KCNIP4: variants seen among roughly 807,000 people sequenced by gnomAD.
The protein encoded by KCNIP4 is potassium voltage-gated channel interacting protein 4, also known as Kv channel-interacting protein 4.
KCNIP4 carries 12 observed loss-of-function variants against 34.0 expected under a neutral mutation model. That is an observed-to-expected ratio of 0.35 (90% CI 0.23 to 0.57). The LOEUF (loss-of-function observed/expected upper bound fraction) is 0.57, where lower values mean the gene tolerates loss of function less well. KCNIP4 is among the 20% of genes least tolerant of loss of function. The pLI is 0.83. For synonymous variants in KCNIP4, 124 were observed against 102.2 expected (o/e 1.21, Z -1.29); for missense variants, 238 against 311.7 (o/e 0.76, Z 1.78).
intron 1 of KCNIP4, among the ~76,000 whole-genome samples, chr4:21,253,207 G>A (rs1760841100): frequency 6.6e-6 from 1 of 152,132 alleles, no homozygotes; most frequent in Non-Finnish European, 1.5e-5. Flanking sequence ...GAATGCATAT[G>A]CAGCCTTGAC....
At chr4:21,647,863 C>CTTTTTT (rs10539950) in intron 1 of KCNIP4, among the ~76,000 whole-genome samples, 1 of 60,198 alleles carries the variant, frequency 1.7e-5, no homozygotes, top group African/African-American at 9.8e-5. Flanking sequence ...TACAATGATG[C>CTTTTTT]TTTTTTTTTT....
intron 1 of KCNIP4, among the ~76,000 whole-genome samples, chr4:21,398,457 G>C (rs769089541): frequency 1.3e-5 from 2 of 152,144 alleles, no homozygotes; most frequent in Non-Finnish European, 2.9e-5. Context: ...ACAAGAGTTT[G>C]ATTATTCCTC....
intron 1 of KCNIP4, among the ~76,000 whole-genome samples, chr4:21,816,770 C>T (rs1325646031): frequency 6.6e-6 from 1 of 152,124 alleles, no homozygotes; most frequent in Non-Finnish European, 1.5e-5. Flanking sequence ...TACTCTATGC[C>T]TGACTTTTAA....
chr4:21,505,110 T>C (rs549206139), intron 1 of KCNIP4, among the ~76,000 whole-genome samples: 2 of 152,178 alleles, frequency 1.3e-5, no homozygotes, highest in Non-Finnish European at 2.9e-5. Flanking sequence ...TGAGCTGCTT[T>C]CAAAGCAGTG....
At position 21,432,091 on chromosome 4, in the gene KCNIP4, C is replaced by CATATATATATATATAT. The variant is rs71655634; in HGVS notation, c.61+516464_61+516479dup. Reference sequence around the variant, plus strand: ...TGTATTCAATGTGTGAAAATGGAAGCATATATATATATATATATATATATA... The same window carrying CATATATATATATATAT: ...TGTATTCAATGTGTGAAAATGGAAGCATATATATATATATATATATATATATATATATATATATATA... On this transcript the variant is annotated intron_variant, in intron 1 of 8. Transcript: ENST00000382152. Among the ~76,000 whole-genome samples, 32 of 36,418 alleles carry CATATATATATATATAT rather than the reference C, an allele frequency of 8.8e-4. 1 individual carries two copies. Among genetic ancestry groups the CATATATATATATATAT allele is most frequent in the South Asian group, 2.0e-3 (1 of 490 alleles). 23.9% of individuals were successfully genotyped at this position (36,418 alleles called of 152,430 possible).
At chr4:20,782,778 T>C (rs918025060) in intron 3 of KCNIP4, among the ~76,000 whole-genome samples, 1 of 152,202 alleles carries the variant, frequency 6.6e-6, no homozygotes, top group East Asian at 1.9e-4. Flanking sequence ...GTCTTGGGAA[T>C]TAACATTCAG....
chr4:21,926,496 C>T (rs551637952), intron 1 of KCNIP4, among the ~76,000 whole-genome samples: 1 of 152,132 alleles, frequency 6.6e-6, no homozygotes, highest in Non-Finnish European at 1.5e-5. Context: ...TTAAAGAACC[C>T]TCATAATCAC....
chr4:21,780,818 G>A (rs985021991), intron 1 of KCNIP4, among the ~76,000 whole-genome samples: 30 of 152,218 alleles, frequency 2.0e-4, no homozygotes, highest in Middle Eastern at 3.4e-3. Flanking sequence ...TAACATTAAG[G>A]TGCTGTCTGG....
intron 2 of KCNIP4, among the ~76,000 whole-genome samples, chr4:20,851,393 A>G (rs1721006060): frequency 1.3e-5 from 2 of 152,162 alleles, no homozygotes; most frequent in African/African-American, 2.4e-5. Flanking sequence ...ATAGTATTCC[A>G]TGGTGTATAT....
At chr4:21,516,303 A>G (rs1448260010) in intron 1 of KCNIP4, among the ~76,000 whole-genome samples, 1 of 152,196 alleles carries the variant, frequency 6.6e-6, no homozygotes, top group Non-Finnish European at 1.5e-5. Flanking sequence ...AGTTGAGTCA[A>G]TGTACAAAGT....
At chr4:20,944,157 A>G (rs1025814718) in intron 1 of KCNIP4, among the ~76,000 whole-genome samples, 9 of 152,152 alleles carry the variant, frequency 5.9e-5, no homozygotes, top group Non-Finnish European at 1.3e-4. Flanking sequence ...GCACACATTG[A>G]CCATAGATAG....
At chr4:21,252,203 C>G (rs1446578679) in intron 1 of KCNIP4, among the ~76,000 whole-genome samples, 2 of 149,586 alleles carry the variant, frequency 1.3e-5, no homozygotes. Flanking sequence ...TCTCGGCTCA[C>G]TGCAATCTCC....
chr4:21,466,918 T>A (rs1729997671), intron 1 of KCNIP4, among the ~76,000 whole-genome samples: 1 of 152,070 alleles, frequency 6.6e-6, no homozygotes, highest in Non-Finnish European at 1.5e-5. Flanking sequence ...AGTATCATTG[T>A]ATTTACCATC....
At chr4:21,089,058 A>G (rs969190082) in intron 1 of KCNIP4, among the ~76,000 whole-genome samples, 2 of 152,216 alleles carry the variant, frequency 1.3e-5, no homozygotes, top group African/African-American at 4.8e-5. Context: ...TCTATTAAGG[A>G]AAGAAATAAG....
intron 1 of KCNIP4, among the ~76,000 whole-genome samples, chr4:21,890,725 A>G (rs1727043457): frequency 6.6e-6 from 1 of 152,050 alleles, no homozygotes; most frequent in Non-Finnish European, 1.5e-5. Flanking sequence ...TTATTATTCC[A>G]ATTTTATACT....
At chr4:21,249,531 A>G (rs1760537184) in intron 1 of KCNIP4, among the ~76,000 whole-genome samples, 1 of 151,934 alleles carries the variant, frequency 6.6e-6, no homozygotes, top group African/African-American at 2.4e-5. Flanking sequence ...TTTTTCGTTG[A>G]TCTTGGTGGA....
At chr4:21,065,727 T>TATATAG (rs1560690190) in intron 1 of KCNIP4, among the ~76,000 whole-genome samples, 1 of 6,850 alleles carries the variant, frequency 1.5e-4, no homozygotes, top group African/African-American at 3.6e-4. Flanking sequence ...ATCATTTGTC[T>TATATAG]ATATATATAT....
At position 21,326,090 on chromosome 4, in the gene KCNIP4, G is replaced by A. The variant is rs149370551; in HGVS notation, c.62-443381C>T. On this transcript the variant is annotated intron_variant, in intron 1 of 8. Coordinates refer to ENST00000382152, the MANE Select transcript of KCNIP4 (RefSeq NM_025221.6). Reference sequence around the variant, plus strand: ...CTGCAGCTGGTAGAGATAATGTTCTGTAAATATCTAAGGTTCATTTAGTCT... The same window carrying A: ...CTGCAGCTGGTAGAGATAATGTTCTATAAATATCTAAGGTTCATTTAGTCT... Among the ~76,000 whole-genome samples, 418 of 151,948 alleles carry A rather than the reference G, an allele frequency of 2.8e-3. 2 individuals carry two copies. Among genetic ancestry groups the A allele is most frequent in the Middle Eastern group, 0.01 (3 of 292 alleles).
At chr4:21,509,194 A>T (rs957392691) in intron 1 of KCNIP4, among the ~76,000 whole-genome samples, 2 of 152,176 alleles carry the variant, frequency 1.3e-5, no homozygotes, top group South Asian at 4.1e-4. Context: ...ATAGATAGTG[A>T]TGCTAACCAG....
Sources: allele counts gnomAD v4.1 joint callset (sites outside exome capture counted in the v4.1 genomes callset), GRCh38; gene constraint gnomAD v4.1.1; transcripts MANE v1.5; gene names NCBI Gene and HGNC (gene_info 2026-07-23, HGNC 2026-07-21).